The following PAICS variants were observed in gnomAD, a reference collection of about 807,000 sequenced individuals.
PAICS encodes the protein bifunctional phosphoribosylaminoimidazole carboxylase/phosphoribosylaminoimidazole succinocarboxamide synthetase.
PAICS carries 33 observed loss-of-function variants against 53.7 expected under a neutral mutation model. The ratio of observed to expected loss-of-function variants is 0.61; its 90% CI spans 0.47 to 0.82. The LOEUF (loss-of-function observed/expected upper bound fraction) is 0.82, where lower values mean the gene tolerates loss of function less well. PAICS is among the 40% of genes least tolerant of loss of function. The pLI, the probability that PAICS is intolerant of heterozygous loss-of-function variation, is 0.00. For synonymous variants in PAICS, 141 were observed against 167.2 expected, an observed-to-expected ratio of 0.84 and a Z score of 1.21; for missense variants, 394 against 494.1, an observed-to-expected ratio of 0.80 and a Z score of 1.92.
Position 56,446,842 on chromosome 4 carries a change from T to G in PAICS, c.362T>G (p.Phe121Cys). Residue 121 changes from phenylalanine to cysteine, a missense_variant, in exon 3 of 9, where the codon TTT (phenylalanine) becomes TGT (cysteine). Coordinates refer to ENST00000512576, the MANE Select transcript of PAICS (RefSeq NM_001079524.2). The stretch of plus-strand genomic sequence containing the variant: ...CCTGGTGTCAAGGAAGGATATAAGT[T>G]TTACCCACCTAAAGTGGAGTTGTTT... ...RNPGVKEGYK[F>C]YPPKVELFFK... is the part of the protein sequence containing the mutation. The G allele has an allele frequency of 3.1e-6, 5 of 1,609,764 alleles. No individual in the cohort carries two copies. Among genetic ancestry groups the G allele is most frequent in the Non-Finnish European group, 4.2e-6 (5 of 1,177,612 alleles).
At chr4:56,451,565 G>C (rs1318074156) in intron 6 of PAICS, among the ~76,000 whole-genome samples, 2 of 152,030 alleles carry the variant, frequency 1.3e-5, no homozygotes, top group African/African-American at 4.8e-5. Context: ...GTGCACTAAA[G>C]GTCTTAGGAT....
chr4:56,435,284 C>T, upstream of PAICS: 1 of 1,601,188 alleles, frequency 6.2e-7, no homozygotes, highest in Non-Finnish European at 8.5e-7. Context: ...ATGAGAACGC[C>T]GACTGCGGGA....
chr4:56,434,140 A>C (rs1030027005), upstream of PAICS, among the ~76,000 whole-genome samples: 2 of 152,234 alleles, frequency 1.3e-5, no homozygotes, highest in Admixed American at 1.3e-4. Flanking sequence ...CAATTATCCA[A>C]GATTGGAGCT....
In PAICS at chr4:56,459,405, G is replaced by A; in HGVS notation, c.1145G>A (p.Gly382Glu). The A allele has an allele frequency of 6.2e-7, 1 of 1,604,018 alleles. No individual in the cohort carries two copies. Among genetic ancestry groups the A allele is most frequent in the Non-Finnish European group, 8.5e-7 (1 of 1,172,728 alleles). ...LGCSTVLSPE[G>E]SAQFAAQIFG... ...TGTTCAACCGTACTTTCTCCAGAAG[G>A]ATCAGCTCAATTTGCTGCTCAGATA... The change falls in exon 9 of 9, where the codon GGA becomes GAA. Residue 382 changes from glycine (G) to glutamate (E), a missense_variant. By Grantham distance (98) the Gly-to-Glu change is moderately conservative. Around this residue, in one of 3 missense-constraint regions of PAICS, gnomAD observed 95 missense variants for 89.3 expected, o/e 1.06. Transcript: ENST00000512576.
At chr4:56,446,615 G>A in intron 2 of PAICS, 80 bp from the exon 3 acceptor site, 1 of 808,802 alleles carries the variant, frequency 1.2e-6, no homozygotes, top group East Asian at 2.7e-5. Context: ...CTTGTAAAGG[G>A]TAGAGTTTTA....
intron 6 of PAICS, 42 bp downstream of exon 6, chr4:56,450,744 C>T: frequency 1.1e-6 from 1 of 940,176 alleles, no homozygotes; most frequent in South Asian, 1.5e-5. Context: ...ATGTGTTTTT[C>T]TTCTAAGAAA....
chr4:56,428,350 T>C, the PAICS span, among the ~76,000 whole-genome samples: 1 of 152,042 alleles, frequency 6.6e-6, no homozygotes, highest in South Asian at 2.1e-4. Flanking sequence ...ATTGATATGG[T>C]CTGATGAAAA....
At chr4:56,458,509 C>T (rs906132293) in intron 8 of PAICS, among the ~76,000 whole-genome samples, 1 of 152,134 alleles carries the variant, frequency 6.6e-6, no homozygotes, top group Non-Finnish European at 1.5e-5. Flanking sequence ...AGTTAAAATT[C>T]CCTTCTCACA....
At chr4:56,436,088 T>A, upstream of PAICS, 9 of 1,475,946 alleles carry the variant, frequency 6.1e-6, no homozygotes, top group Non-Finnish European at 7.1e-6. Context: ...TCTCTGCGCC[T>A]GCGCGGCGGG....
At chr4:56,452,793 T>C (rs898729828) in intron 7 of PAICS, among the ~76,000 whole-genome samples, 1 of 152,102 alleles carries the variant, frequency 6.6e-6, no homozygotes, top group Non-Finnish European at 1.5e-5. Flanking sequence ...ATATAGTACA[T>C]AAAAAATAAT....
At chr4:56,441,882 T>C in intron 2 of PAICS, 22 bp downstream of exon 2, 2 of 1,507,420 alleles carry the variant, frequency 1.3e-6, no homozygotes, top group Non-Finnish European at 1.8e-6. Flanking sequence ...CCTCAAAGTC[T>C]CTTCTCTCAC....
chr4:56,435,971 C>A, upstream of PAICS: 1 of 1,514,444 alleles, frequency 6.6e-7, no homozygotes, highest in Non-Finnish European at 8.9e-7. Flanking sequence ...CGAGAAGGGG[C>A]CGGGGTATGC....
chr4:56,451,863 T>C lies in PAICS; in HGVS notation c.772-9T>C. The C allele has an allele frequency of 2.0e-6, 3 of 1,535,880 alleles. No individual in the cohort carries two copies. The highest frequency in any genetic ancestry group is 1.3e-5 in the South Asian group (1 of 79,912). On this transcript the variant is annotated splice_polypyrimidine_tract_variant and intron_variant, in intron 6 of 8. Coordinates refer to ENST00000512576, the MANE Select transcript of PAICS (RefSeq NM_001079524.2). ...ATGTTCTTTTCATATCCACGTATTTTTTCTTCAGTTGCTTTTGAAATCAGA... is the reference window on the plus strand; with the variant it reads ...ATGTTCTTTTCATATCCACGTATTTCTTCTTCAGTTGCTTTTGAAATCAGA...
At position 56,456,647 on chromosome 4, in the gene PAICS, A is replaced by C. The variant is rs535035176; in HGVS notation, c.1112-2725A>C. ...TTGTCCTGAACTCCTGGACTCAAGC[A>C]ATCTTCCCACCTCAGCCTCCCAAAG... On this transcript the variant is annotated intron_variant, in intron 8 of 8. Transcript: ENST00000512576. 1.8e-4 allele frequency among the ~76,000 whole-genome samples: 27 copies of C among 149,822 alleles called. 1 individual carries two copies. The South Asian group carries it at 5.3e-3, about 29-fold the overall frequency.
At chr4:56,425,929 C>A in the PAICS span, among the ~76,000 whole-genome samples, 391 of 152,300 alleles carry the variant, frequency 2.6e-3, 3 homozygotes, top group African/African-American at 8.9e-3. Flanking sequence ...ACTGCATTAA[C>A]CTCTACACTT....
chr4:56,450,529 T>A (rs1472117585), intron 5 of PAICS, 90 bp from the exon 6 acceptor site: 1 of 694,666 alleles, frequency 1.4e-6, no homozygotes. Context: ...CTATACAAAC[T>A]CTTCATAATC....
At chr4:56,451,837 T>C in intron 6 of PAICS, 35 bp from the exon 7 acceptor site, 1 of 1,381,198 alleles carries the variant, frequency 7.2e-7, no homozygotes, top group African/African-American at 1.4e-5. Context: ...TTTTTGTTTT[T>C]ATGTTCTTTT....
At chr4:56,433,388 G>T, upstream of PAICS, among the ~76,000 whole-genome samples, 1 of 128,158 alleles carries the variant, frequency 7.8e-6, no homozygotes, top group Non-Finnish European at 1.6e-5. Context: ...GGAATCAAAT[G>T]GTATTCATTA....
rs1370544582 is a variant in PAICS at position 56,463,332 on chromosome 4, G to A, written c.*3794G>A. 2.6e-5 allele frequency: 4 copies of A among 151,526 alleles called. No homozygotes were observed. The highest frequency in any genetic ancestry group is 5.9e-5 in the Non-Finnish European group (4 of 68,050). 9.4% of individuals were successfully genotyped at this position (151,526 alleles called of 1,614,324 possible). On this transcript the variant is annotated 3_prime_UTR_variant, in exon 9 of 9. Transcript: ENST00000512576. ...TAAGATACCATAAGATACTGTACAT[G>A]AGGCTGGGCGCGGTGGCTCACGTCT...
Sources: allele counts gnomAD v4.1 joint callset (sites outside exome capture counted in the v4.1 genomes callset), GRCh38; gene constraint gnomAD v4.1.1; regional missense constraint gnomAD v4.1.1; transcripts MANE v1.5; gene names NCBI Gene and HGNC (gene_info 2026-07-23, HGNC 2026-07-21).